Variants in COL22A1 observed in about 807,000 individuals in gnomAD.
COL22A1 encodes the protein collagen alpha-1(XXII) chain.
A neutral mutation model predicts 248.9 loss-of-function variants in COL22A1; 221 were observed. That is an observed-to-expected ratio of 0.89 (90% CI 0.80 to 0.99). The LOEUF is 0.99. COL22A1 is among the 50% of genes least tolerant of loss of function. COL22A1 has a pLI of 0.00. For missense variants in COL22A1, 2,240 were observed against 2,179.0 expected (o/e 1.03, Z -0.56); for synonymous variants, 891 against 793.4 (o/e 1.12, Z -2.07).
intron 7 of COL22A1, among the ~76,000 whole-genome samples, chr8:138,820,636 C>T (rs1369871433): frequency 1.3e-5 from 2 of 151,880 alleles, no homozygotes; most frequent in Non-Finnish European, 2.9e-5. Context: ...ATTTTTTTTA[C>T]AATCAAGGAA....
Position 138,684,444 on chromosome 8 carries a change from G to T in COL22A1, c.2993C>A (p.Pro998His). ...EPGLRGSPGLPGPLGTKAACG... is the reference protein window; with the variant it reads ...EPGLRGSPGLHGPLGTKAACG... Reference sequence around the variant, plus strand: ...ACTCACCTTGGTTCCTAGGGGTCCAGGGAGTCCAGGTGATCCACGGAGTCC... The same window carrying T: ...ACTCACCTTGGTTCCTAGGGGTCCATGGAGTCCAGGTGATCCACGGAGTCC... Residue 998 changes from proline (P) to histidine (H), a missense_variant, in exon 39 of 65, where the codon CCT becomes CAT. Physicochemically the swap from Pro to His is moderately conservative, Grantham distance 77. Transcript: ENST00000303045. The T allele has an allele frequency of 6.2e-7, 1 of 1,611,492 alleles. No homozygotes were observed. Among genetic ancestry groups the T allele is most frequent in the East Asian group, 2.2e-5 (1 of 44,856 alleles).
intron 22 of COL22A1, among the ~76,000 whole-genome samples, chr8:138,742,262 G>A (rs1405722048): frequency 7.2e-6 from 1 of 138,988 alleles, no homozygotes; most frequent in East Asian, 2.1e-4. Context: ...GGTGACGATA[G>A]TAGTGATGGT....
chr8:138,617,074 T>G (rs1264443016), intron 53 of COL22A1, 116 bp from the exon 54 acceptor site: 12 of 1,077,764 alleles, frequency 1.1e-5, no homozygotes, highest in Non-Finnish European at 1.7e-5. Flanking sequence ...TCTTTACCAT[T>G]TGCAGGATAC....
intron 50 of COL22A1, among the ~76,000 whole-genome samples, chr8:138,630,006 G>T (rs2131994458): frequency 6.6e-6 from 1 of 152,258 alleles, no homozygotes; most frequent in African/African-American, 2.4e-5. Context: ...GTCCAAAGTG[G>T]GAGGAGCTGT....
chr8:138,592,621 G>T (rs1026457876), intron 63 of COL22A1, among the ~76,000 whole-genome samples: 1 of 152,126 alleles, frequency 6.6e-6, no homozygotes, highest in Non-Finnish European at 1.5e-5. Context: ...GTAAGAAAAT[G>T]GGAGATCAAA....
At chr8:138,631,501 C>T (rs941133387) in intron 49 of COL22A1, among the ~76,000 whole-genome samples, 1 of 152,110 alleles carries the variant, frequency 6.6e-6, no homozygotes, top group African/African-American at 2.4e-5. Context: ...ATGGACAACT[C>T]GATTTATCTT....
intron 26 of COL22A1, among the ~76,000 whole-genome samples, chr8:138,721,230 A>C (rs2131136687): frequency 6.6e-6 from 1 of 152,336 alleles, no homozygotes; most frequent in Middle Eastern, 3.4e-3. Flanking sequence ...TGACCTTGTA[A>C]GTCTGTTTAT....
intron 7 of COL22A1, among the ~76,000 whole-genome samples, chr8:138,817,633 G>A (rs532452103): frequency 2.0e-5 from 3 of 152,142 alleles, no homozygotes; most frequent in Non-Finnish European, 2.9e-5. Context: ...CTGTTTAGGG[G>A]TCGACCATAT....
chr8:138,881,659 T>A (rs534150750), intron 2 of COL22A1, among the ~76,000 whole-genome samples: 1 of 152,378 alleles, frequency 6.6e-6, no homozygotes, highest in East Asian at 1.9e-4. Context: ...CACTCCAGCC[T>A]GGGCGACAGA....
chr8:138,835,523 C>T (rs1820360130), intron 4 of COL22A1, among the ~76,000 whole-genome samples: 1 of 152,184 alleles, frequency 6.6e-6, no homozygotes, highest in Admixed American at 6.5e-5. Flanking sequence ...TGAGTGAGGC[C>T]AGCTTTCCTG....
At chr8:138,876,729 TCCATGCTGC>T (rs1433285621) in intron 3 of COL22A1, among the ~76,000 whole-genome samples, 1 of 152,048 alleles carries the variant, frequency 6.6e-6, no homozygotes, top group Non-Finnish European at 1.5e-5. Flanking sequence ...ACGAGCACCT[TCCATGCTGC>T]CCCAGCCCCC....
At position 138,749,029 on chromosome 8, in the gene COL22A1, G is replaced by T. The variant is rs558910928; in HGVS notation, c.2085+2429C>A. On this transcript the variant is annotated intron_variant, in intron 22 of 64. Coordinates refer to ENST00000303045, the MANE Select transcript of COL22A1 (RefSeq NM_152888.3). ...CACGAGATTTCATGGTTTTACAAGG[G>T]AAACCCCTTTCACTTGGTTCTCATT... 2.0e-5 allele frequency among the ~76,000 whole-genome samples: 3 copies of T among 152,244 alleles called. 1 individual carries two copies. The South Asian group carries it at 6.2e-4, about 32-fold the overall frequency.
chr8:138,670,938 G>A (rs930567077), intron 41 of COL22A1, among the ~76,000 whole-genome samples: 1 of 128,090 alleles, frequency 7.8e-6, no homozygotes, highest in African/African-American at 2.7e-5. Context: ...TCCAGCTTGG[G>A]GGACAGAGCG....
At chr8:138,749,696 G>C (rs1832425838) in intron 22 of COL22A1, among the ~76,000 whole-genome samples, 1 of 152,206 alleles carries the variant, frequency 6.6e-6, no homozygotes, top group Non-Finnish European at 1.5e-5. Context: ...CAGGTAACTT[G>C]CAAGGGTCAC....
chr8:138,890,265 C>T (rs1003012174), intron 1 of COL22A1, among the ~76,000 whole-genome samples: 4 of 152,184 alleles, frequency 2.6e-5, no homozygotes, highest in Non-Finnish European at 4.4e-5. Context: ...GAAAAATTCA[C>T]AGCTAACGTC....
intron 1 of COL22A1, among the ~76,000 whole-genome samples, chr8:138,888,441 T>C (rs1377382861): frequency 3.3e-5 from 5 of 152,202 alleles, no homozygotes; most frequent in Admixed American, 6.5e-5. Flanking sequence ...AGGAATGGCA[T>C]CTGCCAGGCC....
At position 138,623,724 on chromosome 8, in the gene COL22A1, T is replaced by G. The variant is rs200044192; in HGVS notation, c.3771+8A>C. Reference sequence around the variant, plus strand: ...ATGTGATATAATAGGAAGTTTAGAGTCCTTTACCGGCTCTCCAGGGGGACC... The same window carrying G: ...ATGTGATATAATAGGAAGTTTAGAGGCCTTTACCGGCTCTCCAGGGGGACC... On this transcript the variant is annotated splice_region_variant and intron_variant, in intron 52 of 64. Coordinates refer to ENST00000303045, the MANE Select transcript of COL22A1 (RefSeq NM_152888.3). The G allele has an allele frequency of 1.1e-4, 181 of 1,609,200 alleles. No homozygotes were observed. In the African/African-American group the frequency reaches 2.2e-3, roughly 20 times the overall value.
chr8:138,897,424 C>T (rs1825500059), intron 1 of COL22A1, among the ~76,000 whole-genome samples: 1 of 151,982 alleles, frequency 6.6e-6, no homozygotes, highest in Non-Finnish European at 1.5e-5. Flanking sequence ...TGGCACATGC[C>T]TGTAATCACA....
chr8:138,865,237 AG>A (rs1191976098), intron 3 of COL22A1, among the ~76,000 whole-genome samples: 2 of 152,212 alleles, frequency 1.3e-5, no homozygotes, highest in African/African-American at 4.8e-5. Context: ...GGCAAAAGGA[AG>A]CAGTCTTTAT....
Sources: gnomAD v4.1 joint callset for allele counts (sites outside exome capture counted in the v4.1 genomes callset) on GRCh38, gnomAD v4.1.1 for gene constraint, MANE v1.5 for transcripts, NCBI Gene and HGNC (gene_info 2026-07-23, HGNC 2026-07-21) for gene names.